Variants in NOMO1 observed in about 807,000 individuals in gnomAD.
The protein encoded by NOMO1 is nodal modulator 3.
Under a neutral mutation model 133.8 loss-of-function variants are expected in NOMO1, and 40 were observed. That is an observed-to-expected ratio of 0.30 (90% CI 0.23 to 0.39). NOMO1 has a LOEUF of 0.39. Ranked by LOEUF, NOMO1 falls within the 10% of genes least tolerant of loss-of-function variation. The probability of loss-of-function intolerance (pLI) is 1.00; values close to 1 mark genes in which losing one functional copy is unlikely to be tolerated. For missense variants in NOMO1, 462 were observed against 1,419.9 expected (o/e 0.33, Z 10.84); for synonymous variants, 236 against 570.5 (o/e 0.41, Z 8.36).
chr16:14,883,622 G>T (rs185994639), intron 26 of NOMO1, among the ~76,000 whole-genome samples: 1 of 151,520 alleles, frequency 6.6e-6, no homozygotes, highest in Non-Finnish European at 1.5e-5. Context: ...ATGAGCCACC[G>T]CACTGGGCCG....
chr16:14,839,501 C>T (rs1026775682), intron 2 of NOMO1, among the ~76,000 whole-genome samples: 1 of 151,952 alleles, frequency 6.6e-6, no homozygotes, highest in African/African-American at 2.4e-5. Flanking sequence ...CACCTCTATA[C>T]AATCCCATCC....
At chr16:14,853,807 AAC>A (rs1882737015) in intron 8 of NOMO1, 128 bp from the exon 9 acceptor site, 3 of 816,896 alleles carry the variant, frequency 3.7e-6, no homozygotes, top group Non-Finnish European at 4.1e-6. Flanking sequence ...TCGAATCTGC[AAC>A]AGTTATGATG....
chr16:14,878,549 C>G (rs1363406254), intron 22 of NOMO1, among the ~76,000 whole-genome samples, 172 bp from the exon 23 acceptor site: 1 of 123,712 alleles, frequency 8.1e-6, no homozygotes, highest in Non-Finnish European at 1.7e-5. Context: ...ACCAAACTTA[C>G]AAAACTTACA....
chr16:14,854,907 A>G (rs1963811660), intron 9 of NOMO1, among the ~76,000 whole-genome samples: 2 of 145,526 alleles, frequency 1.4e-5, no homozygotes, highest in Non-Finnish European at 3.0e-5. Flanking sequence ...AGGGAACGGC[A>G]CGTGCAAAGG....
intron 9 of NOMO1, among the ~76,000 whole-genome samples, chr16:14,856,068 A>C (rs1261973506): frequency 6.6e-6 from 1 of 152,124 alleles, no homozygotes; most frequent in African/African-American, 2.4e-5. Flanking sequence ...GCTGTTGCAC[A>C]CGTGCGTGCA....
chr16:14,837,501 G>A (rs992794509), intron 1 of NOMO1, among the ~76,000 whole-genome samples: 6 of 151,950 alleles, frequency 3.9e-5, no homozygotes, highest in African/African-American at 7.3e-5. Context: ...TTAACACTTC[G>A]TGTCTGGTAA....
chr16:14,866,650 G>C lies in NOMO1; in HGVS notation c.1765G>C (p.Gly589Arg). Residue 589 changes from glycine to arginine, a missense_variant, in exon 15 of 31, where the codon GGC becomes CGC. Coordinates refer to ENST00000287667, the MANE Select transcript of NOMO1 (RefSeq NM_014287.4). ...GTCTGCAGTTGAGTTCAGGCAGACG[G>C]GCTACATGCTGAGATGTTCCCTGTC... ...DMSAVEFRQT[G>R]YMLRCSLSHA... 6.2e-7 allele frequency: 1 copy of C among 1,610,044 alleles called. No homozygotes were observed. The highest frequency in any genetic ancestry group is 8.5e-7 in the Non-Finnish European group (1 of 1,179,734).
chr16:14,871,915 G>A (rs1445467024), intron 17 of NOMO1, among the ~76,000 whole-genome samples: 1 of 151,470 alleles, frequency 6.6e-6, no homozygotes, highest in Non-Finnish European at 1.5e-5. Flanking sequence ...AGAGGGCTGT[G>A]TTTTTGAAGT....
intron 9 of NOMO1, 89 bp from the exon 10 acceptor site, chr16:14,857,128 T>G: frequency 6.3e-7 from 1 of 1,578,468 alleles, no homozygotes; most frequent in Non-Finnish European, 8.7e-7. Flanking sequence ...GCAGACATGG[T>G]AGGTGGTGGC....
Position 14,873,704 on chromosome 16 carries a change from G to A in NOMO1, c.2055-1332G>A, listed in dbSNP as rs539203994. On this transcript the variant is annotated intron_variant, in intron 18 of 30. Transcript: ENST00000287667. ...TTTCAGCTTGATTACATTCATTTTT[G>A]TAACTTCACAAGGGTGTTTGTGTTG... 6.6e-5 allele frequency among the ~76,000 whole-genome samples: 10 copies of A among 151,800 alleles called. 1 individual carries two copies. The South Asian group carries it at 1.5e-3, about 22-fold the overall frequency.
At chr16:14,891,412 T>A (rs550417420) in intron 29 of NOMO1, among the ~76,000 whole-genome samples, 115 of 152,106 alleles carry the variant, frequency 7.6e-4, no homozygotes, top group African/African-American at 2.8e-3. Flanking sequence ...TCACTTGGTT[T>A]CTGCAAAGAT....
chr16:14,876,003 C>T (rs935022255), intron 20 of NOMO1, among the ~76,000 whole-genome samples: 5 of 145,578 alleles, frequency 3.4e-5, no homozygotes, highest in South Asian at 2.4e-4. Flanking sequence ...CTGTTTGGGG[C>T]GGTCTTTCTC....
At chr16:14,890,140 CGATAG>C (rs1432620117) in intron 29 of NOMO1, among the ~76,000 whole-genome samples, 1 of 128,496 alleles carries the variant, frequency 7.8e-6, no homozygotes, top group African/African-American at 3.0e-5. Context: ...GTCCTGTATC[CGATAG>C]GCTGGAACAG....
chr16:14,889,261 G>A (rs192727051), intron 29 of NOMO1, 46 bp downstream of exon 29: 5 of 1,611,668 alleles, frequency 3.1e-6, no homozygotes, highest in South Asian at 2.2e-5. Context: ...GCTGGGTTTG[G>A]TGGCTCACGC....
At chr16:14,885,934 AT>A (rs1361896016) in intron 27 of NOMO1, among the ~76,000 whole-genome samples, 2 of 152,086 alleles carry the variant, frequency 1.3e-5, no homozygotes, top group African/African-American at 2.4e-5. Flanking sequence ...AATGCGACCC[AT>A]AACCTTCAGT....
intron 27 of NOMO1, among the ~76,000 whole-genome samples, 186 bp downstream of exon 27, chr16:14,884,668 G>C (rs1342370435): frequency 6.6e-6 from 1 of 151,892 alleles, no homozygotes; most frequent in Non-Finnish European, 1.5e-5. Flanking sequence ...ACGTATTTGG[G>C]AGAGTGATTG....
intron 9 of NOMO1, among the ~76,000 whole-genome samples, 163 bp from the exon 10 acceptor site, chr16:14,857,053 AG>A (rs1338776693): frequency 1.3e-5 from 2 of 151,958 alleles, no homozygotes; most frequent in African/African-American, 4.8e-5. Flanking sequence ...ATGTGGGTAA[AG>A]TGAGAGGGAG....
At chr16:14,858,686 C>T (rs1963879142) in intron 11 of NOMO1, among the ~76,000 whole-genome samples, 3 of 152,104 alleles carry the variant, frequency 2.0e-5, no homozygotes, top group Admixed American at 6.5e-5. Context: ...CCCACCGGGG[C>T]GTAGGGGCTT....
intron 18 of NOMO1, among the ~76,000 whole-genome samples, chr16:14,873,690 T>C (rs1338485497): frequency 6.6e-6 from 1 of 151,768 alleles, no homozygotes; most frequent in Non-Finnish European, 1.5e-5. Context: ...TTCAGCTTGA[T>C]TACATTCATT....
Sources: allele counts gnomAD v4.1 joint callset (sites outside exome capture counted in the v4.1 genomes callset), GRCh38; gene constraint gnomAD v4.1.1; transcripts MANE v1.5; gene names NCBI Gene and HGNC (gene_info 2026-07-23, HGNC 2026-07-21).